The following DPP10 variants were observed in gnomAD, a reference collection of about 807,000 sequenced individuals.
DPP10 encodes the protein inactive dipeptidyl peptidase 10.
In DPP10, 33 loss-of-function variants were observed where a neutral mutation model predicts 120.9. The ratio of observed to expected loss-of-function variants is 0.27; its 90% CI spans 0.21 to 0.37. The LOEUF (loss-of-function observed/expected upper bound fraction) is 0.37. Among genes scored for constraint, DPP10 ranks in the 10% least tolerant of loss-of-function variants. The pLI is 1.00. For missense variants in DPP10, 816 were observed against 942.8 expected (o/e 0.87, Z 1.76); for synonymous variants, 337 against 326.1 (o/e 1.03, Z -0.36).
intron 3 of DPP10, among the ~76,000 whole-genome samples, chr2:115,473,309 C>T (rs1025624782): frequency 3.3e-5 from 5 of 152,126 alleles, no homozygotes; most frequent in African/African-American, 1.2e-4. Flanking sequence ...ATTTGAGAAC[C>T]TATTCAACTT....
intron 1 of DPP10, among the ~76,000 whole-genome samples, chr2:115,089,015 C>T (rs1228071916): frequency 6.6e-6 from 1 of 152,050 alleles, no homozygotes; most frequent in Non-Finnish European, 1.5e-5. Flanking sequence ...AGAGTAACAT[C>T]CTGGAGAGCT....
intron 7 of DPP10, among the ~76,000 whole-genome samples, chr2:115,722,217 G>C (rs934556370): frequency 6.6e-6 from 1 of 151,834 alleles, no homozygotes; most frequent in Non-Finnish European, 1.5e-5. Context: ...TTCATTGTAC[G>C]CTTACAGATT....
At chr2:114,476,667 C>T (rs529592792) in intron 1 of DPP10, among the ~76,000 whole-genome samples, 4 of 152,058 alleles carry the variant, frequency 2.6e-5, no homozygotes, top group Non-Finnish European at 5.9e-5. Flanking sequence ...GGAAATAGTG[C>T]GTATGTGTGA....
chr2:114,640,368 T>C (rs1458920089), intron 1 of DPP10, among the ~76,000 whole-genome samples: 1 of 151,978 alleles, frequency 6.6e-6, no homozygotes, highest in Admixed American at 6.5e-5. Context: ...TAACAGCTTA[T>C]CTTCCTTGCC....
chr2:115,105,372 G>A (rs1006036102), intron 1 of DPP10, among the ~76,000 whole-genome samples: 1 of 151,580 alleles, frequency 6.6e-6, no homozygotes, highest in African/African-American at 2.4e-5. Context: ...AAGGCTTCAA[G>A]GAGCTTACAC....
At chr2:114,835,134 T>A (rs1002666886) in intron 1 of DPP10, 19 of 149,934 alleles carry the variant, frequency 1.3e-4, no homozygotes, top group Non-Finnish European at 2.5e-4. Context: ...ATATAAGACA[T>A]ATCTACACAC....
intron 1 of DPP10, among the ~76,000 whole-genome samples, chr2:115,142,711 G>A (rs538299288): frequency 1.3e-5 from 2 of 152,250 alleles, no homozygotes; most frequent in African/African-American, 4.8e-5. Flanking sequence ...CAGGACCCAG[G>A]GAAGTTGGGT....
intron 19 of DPP10, among the ~76,000 whole-genome samples, chr2:115,801,913 G>T (rs150973150): frequency 0.018 from 2,762 of 152,200 alleles, 84 homozygotes; most frequent in African/African-American, 0.061. Flanking sequence ...TAGTGTCTCT[G>T]CTCGGCTTTG....
chr2:115,527,102 C>A (rs560061928), intron 5 of DPP10, among the ~76,000 whole-genome samples: 1 of 152,164 alleles, frequency 6.6e-6, no homozygotes, highest in East Asian at 1.9e-4. Context: ...CTATATTAAA[C>A]TGATCATGAA....
At chr2:114,464,300 C>T (rs13424276) in intron 1 of DPP10, among the ~76,000 whole-genome samples, 15,349 of 152,070 alleles carry the variant, frequency 0.1, 2,556 homozygotes, top group African/African-American at 0.35. Context: ...CTAATAGGCA[C>T]GTAATGGTAT....
chr2:114,595,905 AGAG>A (rs1298491378), intron 1 of DPP10, among the ~76,000 whole-genome samples: 2 of 152,128 alleles, frequency 1.3e-5, no homozygotes, highest in Admixed American at 6.6e-5. Flanking sequence ...GATTTTGATA[AGAG>A]GAGATGTAGT....
At chr2:115,414,079 C>A (rs577339229) in intron 3 of DPP10, among the ~76,000 whole-genome samples, 55 of 152,178 alleles carry the variant, frequency 3.6e-4, no homozygotes, top group Middle Eastern at 3.4e-3. Flanking sequence ...TTAATACAAA[C>A]CTGATTCATG....
chr2:115,381,258 A>G (rs1352325977), intron 3 of DPP10, among the ~76,000 whole-genome samples: 1 of 152,032 alleles, frequency 6.6e-6, no homozygotes, highest in Non-Finnish European at 1.5e-5. Flanking sequence ...GTATCTTTTT[A>G]TTCTTTTTTC....
At chr2:114,552,784 G>A (rs1387267062) in intron 1 of DPP10, among the ~76,000 whole-genome samples, 1 of 152,128 alleles carries the variant, frequency 6.6e-6, no homozygotes, top group African/African-American at 2.4e-5. Context: ...GACCTCAGGT[G>A]ATCCACCCAC....
chr2:114,524,429 C>T (rs1685326836), intron 1 of DPP10, among the ~76,000 whole-genome samples: 1 of 152,186 alleles, frequency 6.6e-6, no homozygotes, highest in Non-Finnish European at 1.5e-5. Context: ...GATGTTTGAG[C>T]CTAAGCATTA....
intron 1 of DPP10, among the ~76,000 whole-genome samples, chr2:114,672,257 CT>C (rs143430358): frequency 0.12 from 18,110 of 152,092 alleles, 1,317 homozygotes; most frequent in Admixed American, 0.22. Context: ...TCTCTTTTAA[CT>C]TTTCAAAAGA....
At chr2:114,984,556 C>G (rs1700283055) in intron 1 of DPP10, among the ~76,000 whole-genome samples, 1 of 151,980 alleles carries the variant, frequency 6.6e-6, no homozygotes, top group South Asian at 2.1e-4. Flanking sequence ...ACTTAGGAGG[C>G]TGACACAGAA....
chr2:115,541,457 T>G (rs960186267), intron 5 of DPP10, among the ~76,000 whole-genome samples: 2 of 151,752 alleles, frequency 1.3e-5, no homozygotes, highest in African/African-American at 4.8e-5. Flanking sequence ...TCTAGCTTTG[T>G]GTTTATGTGT....
chr2:115,698,610 T>C (rs1230087630), intron 7 of DPP10, among the ~76,000 whole-genome samples: 1 of 152,212 alleles, frequency 6.6e-6, no homozygotes, highest in Non-Finnish European at 1.5e-5. Flanking sequence ...TCACTCTTGC[T>C]CTTTGTCTCT....
Sources: gnomAD v4.1 joint callset for allele counts (sites outside exome capture counted in the v4.1 genomes callset) on GRCh38, gnomAD v4.1.1 for gene constraint, MANE v1.5 for transcripts, NCBI Gene and HGNC (gene_info 2026-07-23, HGNC 2026-07-21) for gene names.